SOX5: variants seen among roughly 807,000 people sequenced by gnomAD.
SOX5 encodes the protein SRY-box transcription factor 5, also known as transcription factor SOX-5.
Under a neutral mutation model 92.0 loss-of-function variants are expected in SOX5, and 9 were observed. That is an observed-to-expected ratio of 0.10 (90% confidence interval 0.06 to 0.17). The LOEUF is 0.17. Among genes scored for constraint, SOX5 ranks in the 10% least tolerant of loss-of-function variants. SOX5 has a pLI of 1.00. For synonymous variants in SOX5, 344 were observed against 336.3 expected (o/e 1.02, Z -0.25); for missense variants, 642 against 944.5 (o/e 0.68, Z 4.20).
At chr12:23,550,975 G>T (rs1056283240) in intron 11 of SOX5, among the ~76,000 whole-genome samples, 2 of 151,906 alleles carry the variant, frequency 1.3e-5, no homozygotes, top group Non-Finnish European at 2.9e-5. Flanking sequence ...CCTGAAACTG[G>T]GATTCAGCTA....
intron 3 of SOX5, among the ~76,000 whole-genome samples, chr12:23,769,272 G>A (rs1450519866): frequency 6.6e-6 from 1 of 151,048 alleles, no homozygotes; most frequent in Admixed American, 6.6e-5. Context: ...TGAATCTCTT[G>A]TTTCCATACA....
At chr12:23,755,199 A>G (rs753051755) in intron 4 of SOX5, among the ~76,000 whole-genome samples, 8 of 151,678 alleles carry the variant, frequency 5.3e-5, no homozygotes, top group Non-Finnish European at 1.2e-4. Flanking sequence ...GTACAAAACA[A>G]CCTTTTATTA....
At chr12:23,665,219 C>G (rs1430265034) in intron 7 of SOX5, among the ~76,000 whole-genome samples, 1 of 152,124 alleles carries the variant, frequency 6.6e-6, no homozygotes, top group African/African-American at 2.4e-5. Context: ...CACTGTAAAT[C>G]GAAGTCATGA....
intron 9 of SOX5, among the ~76,000 whole-genome samples, chr12:23,585,651 A>T (rs1390756843): frequency 1.3e-5 from 2 of 152,196 alleles, no homozygotes; most frequent in Non-Finnish European, 2.9e-5. Context: ...GAAATTATTT[A>T]GGCAGTTAGT....
chr12:24,434,733 A>T (rs1247010497), intron 1 of SOX5, among the ~76,000 whole-genome samples: 1 of 152,142 alleles, frequency 6.6e-6, no homozygotes, highest in Non-Finnish European at 1.5e-5. Context: ...TGCTCCAGCC[A>T]TGTAAAGTGC....
At chr12:24,210,772 A>G (rs1270602719) in intron 4 of SOX5, among the ~76,000 whole-genome samples, 1 of 152,260 alleles carries the variant, frequency 6.6e-6, no homozygotes, top group Admixed American at 6.5e-5. Context: ...ATTATCTAAC[A>G]TTAGCCCCTT....
chr12:23,550,591 A>G (rs1944011439), intron 11 of SOX5, among the ~76,000 whole-genome samples: 1 of 151,910 alleles, frequency 6.6e-6, no homozygotes, highest in Non-Finnish European at 1.5e-5. Context: ...ATATGCACTA[A>G]AAAAGGGAAT....
intron 2 of SOX5, among the ~76,000 whole-genome samples, chr12:24,330,167 A>G (rs897557366): frequency 5.3e-5 from 8 of 152,340 alleles, no homozygotes; most frequent in African/African-American, 1.7e-4. Context: ...AGAAAAAGGG[A>G]TTAAAAATAA....
intron 3 of SOX5, among the ~76,000 whole-genome samples, chr12:23,784,736 T>C (rs2095348165): frequency 6.6e-6 from 1 of 152,166 alleles, no homozygotes; most frequent in Admixed American, 6.5e-5. Context: ...CTCTACTGAT[T>C]CTTCAGTTTT....
intron 1 of SOX5, among the ~76,000 whole-genome samples, chr12:24,422,771 G>C (rs1461880867): frequency 6.6e-6 from 1 of 152,202 alleles, no homozygotes; most frequent in African/African-American, 2.4e-5. Context: ...AGTACTTTGG[G>C]AGGCCAAGGA....
At chr12:23,824,867 C>T (rs1041941525) in intron 3 of SOX5, among the ~76,000 whole-genome samples, 1 of 152,194 alleles carries the variant, frequency 6.6e-6, no homozygotes, top group Non-Finnish European at 1.5e-5. Flanking sequence ...CTGAATTTTC[C>T]GGCAGCTTTG....
chr12:24,428,802 CCAT>C (rs1967077823), intron 1 of SOX5, among the ~76,000 whole-genome samples: 1 of 135,490 alleles, frequency 7.4e-6, no homozygotes, highest in Non-Finnish European at 1.5e-5. Context: ...AGTTCAGAAA[CCAT>C]CATTCTACAA....
intron 1 of SOX5, among the ~76,000 whole-genome samples, chr12:24,415,604 A>G (rs1596417565): frequency 6.6e-6 from 1 of 152,196 alleles, no homozygotes; most frequent in Admixed American, 6.5e-5. Flanking sequence ...GCTTCATCCT[A>G]AAGCTCTTAG....
At chr12:23,586,457 T>C (rs904839573) in intron 9 of SOX5, among the ~76,000 whole-genome samples, 29 of 152,156 alleles carry the variant, frequency 1.9e-4, no homozygotes, top group Non-Finnish European at 2.9e-5. Context: ...TCTAAAACAA[T>C]GTCATGAAGG....
chr12:23,624,358 A>G (rs1429189570), intron 8 of SOX5, among the ~76,000 whole-genome samples: 1 of 152,212 alleles, frequency 6.6e-6, no homozygotes, highest in Non-Finnish European at 1.5e-5. Context: ...AACATATTTT[A>G]CCATGATAAA....
intron 3 of SOX5, among the ~76,000 whole-genome samples, chr12:24,251,724 A>G (rs1940099683): frequency 6.6e-6 from 1 of 151,878 alleles, no homozygotes; most frequent in Non-Finnish European, 1.5e-5. Context: ...GGCGCCTGCC[A>G]CCACGCCCAG....
chr12:24,269,342 T>A (rs1943399634), intron 3 of SOX5, among the ~76,000 whole-genome samples: 1 of 152,316 alleles, frequency 6.6e-6, no homozygotes, highest in Admixed American at 6.5e-5. Context: ...AGTGACATTT[T>A]AAAAGAATGT....
chr12:24,449,102 T>G (rs1411041248), intron 1 of SOX5, among the ~76,000 whole-genome samples: 1 of 152,112 alleles, frequency 6.6e-6, no homozygotes, highest in Non-Finnish European at 1.5e-5. Context: ...TACAATCACT[T>G]CCTAACTGGA....
intron 3 of SOX5, among the ~76,000 whole-genome samples, chr12:23,770,192 C>A (rs1473985568): frequency 6.6e-6 from 1 of 151,760 alleles, no homozygotes; most frequent in Non-Finnish European, 1.5e-5. Flanking sequence ...GTGGCAGAAA[C>A]TCACCTCTTC....
Sources: allele counts gnomAD v4.1 joint callset (sites outside exome capture counted in the v4.1 genomes callset), GRCh38; gene constraint gnomAD v4.1.1; transcripts MANE v1.5; gene names NCBI Gene and HGNC (gene_info 2026-07-23, HGNC 2026-07-21).